The following GPHN variants were observed in gnomAD, a reference collection of about 807,000 sequenced individuals.
The protein encoded by GPHN is gephyrin.
In GPHN, 17 loss-of-function variants were observed where a neutral mutation model predicts 95.5. The observed-to-expected ratio is 0.18, with a 90% CI of 0.12 to 0.27. The LOEUF (loss-of-function observed/expected upper bound fraction) is 0.27, where lower values mean the gene tolerates loss of function less well. Ranked by LOEUF, GPHN falls within the 10% of genes least tolerant of loss-of-function variation. The pLI is 1.00. For missense variants in GPHN, 660 were observed against 978.1 expected, an observed-to-expected ratio of 0.67 and a Z score of 4.34; for synonymous variants, 320 against 322.5, an observed-to-expected ratio of 0.99 and a Z score of 0.08.
intron 3 of GPHN, among the ~76,000 whole-genome samples, chr14:66,797,592 A>G (rs965325572): frequency 2.0e-5 from 3 of 151,814 alleles, no homozygotes; most frequent in Non-Finnish European, 2.9e-5. Context: ...GTGTGTGGCT[A>G]TTGTAAATGG....
intron 1 of GPHN, chr14:66,509,055 C>G: frequency 8.8e-6 from 2 of 228,514 alleles, no homozygotes; most frequent in Non-Finnish European, 1.7e-5. Context: ...GGCGGCCCCA[C>G]GCCAGTATCT....
intron 8 of GPHN, among the ~76,000 whole-genome samples, chr14:66,947,298 A>G (rs2067817162): frequency 6.6e-6 from 1 of 152,180 alleles, no homozygotes; most frequent in Non-Finnish European, 1.5e-5. Context: ...CACAGAAGGA[A>G]TTCTGTGATC....
intron 18 of GPHN, among the ~76,000 whole-genome samples, chr14:67,150,893 A>C (rs1330058103): frequency 6.6e-6 from 1 of 152,168 alleles, no homozygotes; most frequent in Non-Finnish European, 1.5e-5. Flanking sequence ...TTATTAAGTT[A>C]GTCTCATTTG....
intron 11 of GPHN, among the ~76,000 whole-genome samples, chr14:67,083,336 T>C (rs1219694226): frequency 1.3e-5 from 2 of 151,984 alleles, no homozygotes. Flanking sequence ...GATAGTGAGT[T>C]CTCTTGAGAT....
At chr14:67,309,809 C>T in the GPHN span, among the ~76,000 whole-genome samples, 1 of 152,058 alleles carries the variant, frequency 6.6e-6, no homozygotes, top group Non-Finnish European at 1.5e-5. Context: ...AATAAACATC[C>T]TAGGCAGGTG....
intron 1 of GPHN, among the ~76,000 whole-genome samples, chr14:66,632,706 T>A (rs925182629): frequency 6.6e-6 from 1 of 152,056 alleles, no homozygotes; most frequent in Non-Finnish European, 1.5e-5. Context: ...TTGGCCAGGC[T>A]GGTCTCCAAC....
chr14:66,833,247 A>G (rs1017504626), intron 4 of GPHN, among the ~76,000 whole-genome samples: 1 of 152,174 alleles, frequency 6.6e-6, no homozygotes, highest in Non-Finnish European at 1.5e-5. Context: ...CCTTCTTCAC[A>G]TGGCGGCAGC....
chr14:67,671,468 G>C, the GPHN span, among the ~76,000 whole-genome samples: 1 of 152,168 alleles, frequency 6.6e-6, no homozygotes, highest in Non-Finnish European at 1.5e-5. Context: ...GGAGGTTGCA[G>C]TGAGCTGAGA....
chr14:66,818,310 T>C (rs1298723520), intron 3 of GPHN, among the ~76,000 whole-genome samples: 1 of 152,136 alleles, frequency 6.6e-6, no homozygotes, highest in African/African-American at 2.4e-5. Context: ...CCCCCATGTG[T>C]TCTCATCATT....
chr14:67,262,767 TTA>T, the GPHN span, among the ~76,000 whole-genome samples: 1 of 152,160 alleles, frequency 6.6e-6, no homozygotes, highest in Non-Finnish European at 1.5e-5. Context: ...AACTCTGTCT[TTA>T]TCTTCTATCT....
At chr14:66,678,397 A>T (rs1276246572) in intron 1 of GPHN, among the ~76,000 whole-genome samples, 1 of 151,226 alleles carries the variant, frequency 6.6e-6, no homozygotes, top group African/African-American at 2.4e-5. Flanking sequence ...TTTTAATTTT[A>T]ATCATTGAAT....
the GPHN span, among the ~76,000 whole-genome samples, chr14:67,625,717 C>A: frequency 3.0e-5 from 4 of 132,106 alleles, no homozygotes; most frequent in Admixed American, 7.6e-5. Context: ...GGAAAGACTT[C>A]ATCAATGTAA....
chr14:67,382,577 A>G, the GPHN span: 10 of 1,613,778 alleles, frequency 6.2e-6, no homozygotes, highest in African/African-American at 5.3e-5. Flanking sequence ...GGTGTGTTCA[A>G]TGTTCAAATG....
intron 9 of GPHN, among the ~76,000 whole-genome samples, chr14:66,983,990 A>G (rs1229725272): frequency 1.3e-5 from 2 of 152,204 alleles, no homozygotes; most frequent in East Asian, 1.9e-4. Flanking sequence ...ATCAACTTCC[A>G]GTGTAACCTT....
intron 1 of GPHN, among the ~76,000 whole-genome samples, chr14:66,678,492 CT>C (rs2066744114): frequency 7.1e-6 from 1 of 141,138 alleles, no homozygotes; most frequent in Non-Finnish European, 1.5e-5. Flanking sequence ...TTTTTTTTTT[CT>C]GATTTATGTA....
At chr14:67,350,738 G>A in the GPHN span, 1 of 1,502,532 alleles carries the variant, frequency 6.7e-7, no homozygotes. Flanking sequence ...CTTTTACAAG[G>A]AAATATTCCA....
At chr14:67,508,765 A>AAAAAAAAAAAAAAAAAAAAAAAAAAC in the GPHN span, among the ~76,000 whole-genome samples, 1 of 150,592 alleles carries the variant, frequency 6.6e-6, no homozygotes, top group Non-Finnish European at 1.5e-5. Context: ...AAAAAAAAAA[A>AAAAAAAAAAAAAAAAAAAAAAAAAAC]AAAAAACAGA....
the GPHN span, among the ~76,000 whole-genome samples, chr14:67,388,715 T>C: frequency 1.3e-5 from 2 of 152,148 alleles, no homozygotes; most frequent in African/African-American, 4.8e-5. Flanking sequence ...AGTCTCACTC[T>C]GTCTTTCAGG....
the GPHN span, among the ~76,000 whole-genome samples, chr14:67,442,577 G>A: frequency 2.7e-3 from 412 of 152,268 alleles, 2 homozygotes; most frequent in African/African-American, 9.6e-3. Flanking sequence ...TCTGTGTCCT[G>A]TCCTGGTTCT....
Sources: allele counts gnomAD v4.1 joint callset (sites outside exome capture counted in the v4.1 genomes callset), GRCh38; gene constraint gnomAD v4.1.1; transcripts MANE v1.5; gene names NCBI Gene and HGNC (gene_info 2026-07-23, HGNC 2026-07-21).